Variants in TMPRSS5 observed in about 807,000 individuals in gnomAD.
TMPRSS5 encodes transmembrane protease serine 5.
Under a neutral mutation model 59.7 loss-of-function variants are expected in TMPRSS5, and 45 were observed. The observed-to-expected ratio is 0.75, with a 90% CI of 0.59 to 0.97. The LOEUF is 0.97. Ranked by LOEUF, TMPRSS5 falls within the 50% of genes least tolerant of loss-of-function variation. The pLI, the probability that TMPRSS5 is intolerant of heterozygous loss-of-function variation, is 0.00. For missense variants in TMPRSS5, 585 were observed against 596.7 expected (o/e 0.98, Z 0.20); for synonymous variants, 225 against 232.0 (o/e 0.97, Z 0.27).
intron 3 of TMPRSS5, 124 bp downstream of exon 3, chr11:113,699,471 T>G (rs1029042005): frequency 1.3e-6 from 1 of 781,074 alleles, no homozygotes; most frequent in Admixed American, 2.8e-5. Context: ...ATTTCACCCT[T>G]TCTCCCCTTG....
chr11:113,699,500 G>C, intron 3 of TMPRSS5, 95 bp downstream of exon 3: 1 of 1,018,748 alleles, frequency 9.8e-7, no homozygotes, highest in Non-Finnish European at 1.5e-6. Flanking sequence ...GAGTAGTTGA[G>C]GAAGACAGTT....
chr11:113,690,471 G>C, intron 10 of TMPRSS5, 98 bp from the exon 11 acceptor site: 1 of 1,489,398 alleles, frequency 6.7e-7, no homozygotes, highest in Non-Finnish European at 8.9e-7. Context: ...GAGACAGGGA[G>C]ACCCAAAGAG....
chr11:113,689,677 A>G, intron 12 of TMPRSS5, 88 bp downstream of exon 12: 1 of 1,442,586 alleles, frequency 6.9e-7, no homozygotes, highest in Non-Finnish European at 9.4e-7. Context: ...AGTCCCCAGC[A>G]GGGCCCGGGC....
At chr11:113,690,648 A>T (rs1268809097) in intron 10 of TMPRSS5, among the ~76,000 whole-genome samples, 193 bp downstream of exon 10, 1 of 151,958 alleles carries the variant, frequency 6.6e-6, no homozygotes, top group Admixed American at 6.5e-5. Flanking sequence ...GTTTAGGGAA[A>T]ACTTGCAGTA....
At chr11:113,694,945 G>C (rs1303579828) in intron 7 of TMPRSS5, among the ~76,000 whole-genome samples, 11 of 152,184 alleles carry the variant, frequency 7.2e-5, no homozygotes, top group Admixed American at 7.2e-4. Flanking sequence ...AAGGATGTGT[G>C]AATGGACAGA....
At position 113,697,317 on chromosome 11, in the gene TMPRSS5, C is replaced by G. The variant is rs1399033096; in HGVS notation, c.430G>C (p.Gly144Arg). ...CCAAGGCTCCAGCAGATCTGCAGCC[C>G]CAGGGCGGGGCTCCAGCCCTCATGG... ...VCHEGWSPAL[G>R]LQICWSLGHL... The change falls in exon 5 of 13, where the codon GGG becomes CGG. Residue 144 changes from glycine to arginine, a missense_variant. Coordinates refer to ENST00000299882, the MANE Select transcript of TMPRSS5 (RefSeq NM_030770.4). 1 of 1,613,378 alleles carries G rather than the reference C, an allele frequency of 6.2e-7. No homozygotes were observed. The highest frequency in any genetic ancestry group is 1.1e-5 in the South Asian group (1 of 91,050).
At chr11:113,699,897 A>G (rs1398953182) in intron 2 of TMPRSS5, 169 bp downstream of exon 2, 6 of 1,502,744 alleles carry the variant, frequency 4.0e-6, no homozygotes, top group Non-Finnish European at 4.5e-6. Flanking sequence ...ATCCCACTCA[A>G]TCCCTAAAGT....
chr11:113,705,475 T>C lies in TMPRSS5; in HGVS notation c.3+747A>G, dbSNP rs143503656. Among the ~76,000 whole-genome samples the C allele has an allele frequency of 2.6e-3, 401 of 152,256 alleles. 3 individuals are homozygous for C. Among genetic ancestry groups the C allele is most frequent in the African/African-American group, 9.0e-3 (372 of 41,552 alleles). ...CCTACACCAGCCACAGCCCAGGACC[T>C]ATAGGACTGGACCTCCCAAGAGCTG... On this transcript the variant is annotated intron_variant, in intron 1 of 12. Transcript: ENST00000299882.
chr11:113,690,175 T>TCCCCCCCC, intron 11 of TMPRSS5, 56 bp downstream of exon 11: 3 of 159,586 alleles, frequency 1.9e-5, no homozygotes, highest in Non-Finnish European at 2.1e-5. Context: ...GCAGGCCCCC[T>TCCCCCCCC]GCCCTCCCAC....
At chr11:113,695,302 GC>G in intron 7 of TMPRSS5, 97 bp downstream of exon 7, 3 of 1,358,832 alleles carry the variant, frequency 2.2e-6, no homozygotes, top group Non-Finnish European at 3.1e-6. Flanking sequence ...CCTACCCCAG[GC>G]CCAGCAGAGT....
chr11:113,690,661 T>A (rs1289325607), intron 10 of TMPRSS5, among the ~76,000 whole-genome samples, 180 bp downstream of exon 10: 1 of 151,912 alleles, frequency 6.6e-6, no homozygotes, highest in East Asian at 2.0e-4. Context: ...TTGCAGTAGA[T>A]GTTCTCCCCA....
intron 1 of TMPRSS5, among the ~76,000 whole-genome samples, chr11:113,703,078 T>C (rs1289804931): frequency 6.6e-6 from 1 of 152,114 alleles, no homozygotes; most frequent in Non-Finnish European, 1.5e-5. Flanking sequence ...CCCAGAATGG[T>C]AGATCCACCA....
chr11:113,688,469 G>A (rs569887475), intron 12 of TMPRSS5, among the ~76,000 whole-genome samples, 195 bp from the exon 13 acceptor site: 11 of 152,242 alleles, frequency 7.2e-5, no homozygotes, highest in South Asian at 6.2e-4. Context: ...TGTAAACTCC[G>A]AATGTATTAT....
At position 113,699,261 on chromosome 11, in the gene TMPRSS5, CTCTCTCT is replaced by C. The variant is rs1466431084; in HGVS notation, c.206-241_206-235del. On this transcript the variant is annotated intron_variant, in intron 3 of 12. Coordinates refer to ENST00000299882, the MANE Select transcript of TMPRSS5 (RefSeq NM_030770.4). Reference sequence around the variant, plus strand: ...TCTCTCTCTCTCTCTCTCTCTCTCTCTCTCTCTCTCCCTCTCTCTCTCTCTCTCTCTG... The same window carrying C: ...TCTCTCTCTCTCTCTCTCTCTCTCTCCTCCCTCTCTCTCTCTCTCTCTCTG... 1.0e-4 allele frequency among the ~76,000 whole-genome samples: 8 copies of C among 80,212 alleles called. 1 individual carries two copies. In the East Asian group the frequency reaches 1.6e-3, roughly 16 times the overall value. 52.6% of individuals were successfully genotyped at this position (80,212 alleles called of 152,430 possible).
At chr11:113,690,405 A>C in intron 10 of TMPRSS5, 32 bp from the exon 11 acceptor site, 7 of 1,592,740 alleles carry the variant, frequency 4.4e-6, no homozygotes, top group Non-Finnish European at 6.0e-6. Flanking sequence ...ACTGCAGGGC[A>C]CAAAGCAAGG....
Position 113,706,078 on chromosome 11 carries a change from A to G in TMPRSS5, c.3+144T>C, listed in dbSNP as rs1316159744. ...GGAGGAAACAGGAAATTGGCCACAC[A>G]GGGCCCCTGCTAGGATCCAGCCCCT... On this transcript the variant is annotated intron_variant, in intron 1 of 12. Coordinates refer to ENST00000299882, the MANE Select transcript of TMPRSS5 (RefSeq NM_030770.4). 7 of 915,246 alleles carry G rather than the reference A, an allele frequency of 7.6e-6. No homozygotes were observed. In the East Asian group the frequency reaches 1.6e-4, roughly 21 times the overall value. The allele number at this position is 915,246 out of a possible 1,614,324, so 56.7% of individuals were successfully genotyped here. A position where few individuals can be genotyped will look rare whatever the true frequency, so the allele number is the denominator to read the frequency against.
intron 8 of TMPRSS5, 163 bp downstream of exon 8, chr11:113,694,315 C>G (rs1195477817): frequency 2.9e-5 from 16 of 554,600 alleles, no homozygotes; most frequent in Non-Finnish European, 5.1e-5. Context: ...TTGTGCAGAT[C>G]TGTTCTTGAT....
At position 113,690,368 on chromosome 11, in the gene TMPRSS5, T is replaced by A. The variant is rs768797773; in HGVS notation, c.1069A>T (p.Ser357Cys). ...WGHTHPSHTYSSDMLQDTVVP... is the reference protein window; with the variant it reads ...WGHTHPSHTYCSDMLQDTVVP... ...ACCGTGTCCTGGAGCATATCCGAGC[T>A]GTAAGCTATGAGAGACACCGAGAAA... Residue 357 changes from serine (S) to cysteine (C), a missense_variant, in exon 11 of 13, where the codon AGC becomes TGC. Ser to Cys is a moderately radical substitution (Grantham distance 112). Coordinates refer to ENST00000299882, the MANE Select transcript of TMPRSS5 (RefSeq NM_030770.4). The A allele has an allele frequency of 1.2e-6, 2 of 1,604,220 alleles. No individual in the cohort carries two copies. The highest frequency in any genetic ancestry group is 4.5e-5 in the East Asian group (2 of 44,620).
chr11:113,694,625 G>C lies in TMPRSS5; in HGVS notation c.638C>G (p.Pro213Arg). The C allele has an allele frequency of 6.5e-7, 1 of 1,547,616 alleles. No individual in the cohort carries two copies. Among genetic ancestry groups the C allele is most frequent in the Non-Finnish European group, 8.7e-7 (1 of 1,145,970 alleles). Residue 213 changes from proline (P) to arginine (R), a missense_variant, in exon 8 of 13, where the codon CCC becomes CGC. Coordinates refer to ENST00000299882, the MANE Select transcript of TMPRSS5 (RefSeq NM_030770.4). Reference protein sequence around the residue: ...SLRCSECGARPLASRIVGGQS... With the variant: ...SLRCSECGARRLASRIVGGQS... The stretch of plus-strand genomic sequence containing the variant: ...CCCACCAACTATCCGGGAAGCCAGG[G>C]GCCTCGCTCCACACTCTGCCAACAG...
Sources: gnomAD v4.1 joint callset for allele counts (sites outside exome capture counted in the v4.1 genomes callset) on GRCh38, gnomAD v4.1.1 for gene constraint, MANE v1.5 for transcripts, NCBI Gene and HGNC (gene_info 2026-07-23, HGNC 2026-07-21) for gene names.